Variants in HTT observed in about 807,000 individuals in gnomAD.
The protein encoded by HTT is huntingtin, also known as huntington disease protein.
HTT carries 104 observed loss-of-function variants against 362.3 expected under a neutral mutation model. That is an observed-to-expected ratio of 0.29 (90% CI 0.24 to 0.34). The LOEUF (loss-of-function observed/expected upper bound fraction) is 0.34, where lower values mean the gene tolerates loss of function less well. Among genes scored for constraint, HTT ranks in the 10% least tolerant of loss-of-function variants. HTT has a pLI of 1.00. For missense variants in HTT, 3,301 were observed against 3,928.6 expected (o/e 0.84, Z 4.27); for synonymous variants, 1,577 against 1,548.7 (o/e 1.02, Z -0.43).
At chr4:3,138,256 T>C (rs1274287242) in intron 21 of HTT, among the ~76,000 whole-genome samples, 1 of 152,002 alleles carries the variant, frequency 6.6e-6, no homozygotes, top group Admixed American at 6.6e-5. Flanking sequence ...TAAATTTCAA[T>C]GGTTTTTGGG....
chr4:3,161,589 T>A (rs546305427), intron 29 of HTT, among the ~76,000 whole-genome samples: 1 of 152,342 alleles, frequency 6.6e-6, no homozygotes, highest in African/African-American at 2.4e-5. Context: ...ATCTGTTGTT[T>A]CGTGACTTTT....
Position 3,187,670 on chromosome 4 carries a change from A to C in HTT, c.5009A>C (p.Gln1670Pro). ...TTTTAGGCGTCCGTGAGCACTGTTC[A>C]ACTGTGGATATCGGGAATTCTGGCC... The part of the protein sequence containing the change: ...PNTMASVSTV[Q>P]LWISGILAIL... Residue 1670 changes from glutamine (Q) to proline (P), a missense_variant, in exon 39 of 67, where the codon CAA (glutamine) becomes CCA (proline). By Grantham distance (76) the Gln-to-Pro change is moderately conservative (BLOSUM62 -1). Transcript: ENST00000355072. The C allele has an allele frequency of 6.2e-7, 1 of 1,613,878 alleles. No individual in the cohort carries two copies. Among genetic ancestry groups the C allele is most frequent in the Non-Finnish European group, 8.5e-7 (1 of 1,179,786 alleles).
chr4:3,155,496 A>C (rs958304851), intron 27 of HTT, among the ~76,000 whole-genome samples: 4 of 150,880 alleles, frequency 2.7e-5, no homozygotes, highest in African/African-American at 4.9e-5. Flanking sequence ...AAGTGCTGGG[A>C]TTACAGGCAT....
chr4:3,209,001 G>A (rs533909109), intron 46 of HTT, 90 bp downstream of exon 46: 37 of 1,371,128 alleles, frequency 2.7e-5, no homozygotes, highest in Admixed American at 1.8e-4. Flanking sequence ...AGGAGGTGCC[G>A]TGGACCCAAG....
intron 59 of HTT, among the ~76,000 whole-genome samples, chr4:3,229,562 CAT>C (rs1226058811): frequency 6.6e-6 from 1 of 151,734 alleles, no homozygotes; most frequent in South Asian, 2.1e-4. Context: ...GCACCACACA[CAT>C]GCCACATGTA....
intron 6 of HTT, among the ~76,000 whole-genome samples, chr4:3,112,675 T>C (rs1296493147): frequency 1.3e-5 from 2 of 152,262 alleles, no homozygotes; most frequent in Admixed American, 6.5e-5. Context: ...GGGTTGTTTC[T>C]AGTTCTTGGC....
rs566106993 is a variant in HTT at position 3,170,553 on chromosome 4, A to C, written c.3865-1767A>C. ...TGAGTACTCGAGAGGGACCTTCCCC[A>C]GATCTCCAGAGCTCTCTCTGTCTTG... On this transcript the variant is annotated intron_variant, in intron 29 of 66. Transcript: ENST00000355072. Among the ~76,000 whole-genome samples, 7 of 152,292 alleles carry C rather than the reference A, an allele frequency of 4.6e-5. No homozygotes were observed. The South Asian group carries it at 1.5e-3, about 32-fold the overall frequency.
Position 3,228,467 on chromosome 4 carries a change from T to C in HTT, c.7849-148T>C, listed in dbSNP as rs369128553. 5 of 797,904 alleles carry C rather than the reference T, an allele frequency of 6.3e-6. No individual in the cohort carries two copies. In the East Asian group the frequency reaches 1.4e-4, roughly 23 times the overall value. The allele number at this position is 797,904 out of a possible 1,614,324, so 49.4% of individuals were successfully genotyped here. The stretch of plus-strand genomic sequence containing the variant: ...GCCCCACCCTCTCTGTGGGCTCCCT[T>C]GCCCGTAACCTGGGGTGTCTGAACG... On this transcript the variant is annotated intron_variant, in intron 57 of 66. Transcript: ENST00000355072. The surrounding 1 kb of genome is among the most constrained non-coding windows in gnomAD (Gnocchi z 4.3).
chr4:3,101,742 C>CG (rs1330561966), intron 3 of HTT, among the ~76,000 whole-genome samples: 2 of 152,172 alleles, frequency 1.3e-5, no homozygotes, highest in African/African-American at 4.8e-5. Flanking sequence ...TAGTCTCAGG[C>CG]GGTGAAGCAC....
At chr4:3,128,782 A>C (rs1332467006) in intron 12 of HTT, 1 of 152,244 alleles carries the variant, frequency 6.6e-6, no homozygotes, top group Non-Finnish European at 1.5e-5. Flanking sequence ...TATGTGTAAC[A>C]TAAAATTTAT....
rs1720507023 is a variant in HTT at position 3,218,257 on chromosome 4, C to T, written c.7242+305C>T. ...TTAATAGCAGACCAGAAACCACACC[C>T]CCTCGAGTGAGTGAGATTTTCCTTT... On this transcript the variant is annotated intron_variant, in intron 52 of 66. Coordinates refer to ENST00000355072, the MANE Select transcript of HTT (RefSeq NM_001388492.1). This position sits in a 1 kb window ranked among gnomAD's most constrained non-coding sequence, Gnocchi z 4.4. 6.6e-6 allele frequency among the ~76,000 whole-genome samples: 1 copy of T among 152,212 alleles called. No individual in the cohort carries two copies. Among genetic ancestry groups the T allele is most frequent in the East Asian group, 1.9e-4 (1 of 5,198 alleles).
At chr4:3,160,084 A>G (rs559069504) in intron 28 of HTT, among the ~76,000 whole-genome samples, 198 bp from the exon 29 acceptor site, 7 of 152,356 alleles carry the variant, frequency 4.6e-5, no homozygotes, top group African/African-American at 1.7e-4. Context: ...GTTTTTGTAT[A>G]GCTATCTGAA....
chr4:3,211,612 T>C (rs996883608), intron 47 of HTT, among the ~76,000 whole-genome samples: 7 of 152,204 alleles, frequency 4.6e-5, no homozygotes, highest in Admixed American at 4.6e-4. Flanking sequence ...TAGCTTTGAT[T>C]TTGTTTTTAT....
chr4:3,142,112 C>G (rs1334512327), intron 22 of HTT, among the ~76,000 whole-genome samples: 1 of 152,178 alleles, frequency 6.6e-6, no homozygotes, highest in African/African-American at 2.4e-5. Context: ...CAGCTGTGGT[C>G]AATTGGGTCT....
At chr4:3,233,611 C>T (rs1721368874) in intron 61 of HTT, among the ~76,000 whole-genome samples, 1 of 152,218 alleles carries the variant, frequency 6.6e-6, no homozygotes, top group Non-Finnish European at 1.5e-5. Flanking sequence ...CACTCTCCCA[C>T]GTGCCCATTC....
In HTT at chr4:3,198,050, G is replaced by A. The variant is rs181717006; in HGVS notation, c.5369-1682G>A. Among the ~76,000 whole-genome samples, 47 of 152,160 alleles carry A rather than the reference G, an allele frequency of 3.1e-4. 1 individual carries two copies. The highest frequency in any genetic ancestry group is 1.1e-3 in the African/African-American group (45 of 41,504). ...GAAACCTGGAGGAGCCAGAGACAAG[G>A]CATTAGAACTCCTCGTCGTGACCTG... is the stretch of plus-strand genomic sequence containing the variant. On this transcript the variant is annotated intron_variant, in intron 40 of 66. Transcript: ENST00000355072.
At chr4:3,183,652 T>C (rs1050368532) in intron 37 of HTT, among the ~76,000 whole-genome samples, 1 of 152,188 alleles carries the variant, frequency 6.6e-6, no homozygotes, top group African/African-American at 2.4e-5. Context: ...TCTGGTGAGA[T>C]TGACAGCAGT....
In HTT at chr4:3,224,053, T is replaced by G. The variant is rs1720797942; in HGVS notation, c.7687T>G (p.Ser2563Ala). ...IVEQEIQAMV[S>A]KRENIATHHL... ...GGAGCAAGAGATTCAAGCAATGGTTTCAAAGAGAGAGAATATTGCCACCCA... is the reference window on the plus strand; with the variant it reads ...GGAGCAAGAGATTCAAGCAATGGTTGCAAAGAGAGAGAATATTGCCACCCA... The change falls in exon 56 of 67, where the codon TCA becomes GCA. Residue 2563 changes from serine (S) to alanine (A), a missense_variant. Around this residue, in one of 4 missense-constraint regions of HTT, gnomAD observed 753 missense variants for 1,021.3 expected, o/e 0.74. Transcript: ENST00000355072. The G allele has an allele frequency of 1.2e-6, 2 of 1,613,908 alleles. No homozygotes were observed. Among genetic ancestry groups the G allele is most frequent in the Non-Finnish European group, 8.5e-7 (1 of 1,179,872 alleles).
intron 26 of HTT, among the ~76,000 whole-genome samples, chr4:3,148,750 A>G (rs1716734695): frequency 6.6e-6 from 1 of 152,224 alleles, no homozygotes; most frequent in Non-Finnish European, 1.5e-5. Context: ...GTGAGCCGAG[A>G]TCGTGCCACT....
Sources: allele counts gnomAD v4.1 joint callset (sites outside exome capture counted in the v4.1 genomes callset), GRCh38; gene constraint gnomAD v4.1.1; regional missense constraint gnomAD v4.1.1; non-coding constraint Gnocchi (gnomAD v3.1); transcripts MANE v1.5; gene names NCBI Gene and HGNC (gene_info 2026-07-23, HGNC 2026-07-21).